The following PLEKHO2 variants were observed in gnomAD, a reference collection of about 807,000 sequenced individuals.
PLEKHO2 encodes the protein pleckstrin homology domain containing O2.
PLEKHO2 carries 20 observed loss-of-function variants against 32.7 expected under a neutral mutation model. The ratio of observed to expected loss-of-function variants is 0.61; its 90% CI spans 0.43 to 0.89. The LOEUF (loss-of-function observed/expected upper bound fraction) is 0.89, where lower values mean the gene tolerates loss of function less well. Ranked by LOEUF, PLEKHO2 falls within the 40% of genes least tolerant of loss-of-function variation. PLEKHO2 has a pLI of 0.00. For missense variants in PLEKHO2, 568 were observed against 621.2 expected (o/e 0.91, Z 0.91); for synonymous variants, 247 against 246.3 (o/e 1.00, Z -0.03).
intron 2 of PLEKHO2, 26 bp from the exon 3 acceptor site, chr15:64,854,895 C>T (rs2084595443): frequency 7.0e-6 from 11 of 1,579,806 alleles, no homozygotes; most frequent in South Asian, 6.7e-5. Flanking sequence ...GTCACCAGCT[C>T]ATGTCCCTTC....
At chr15:64,843,582 CTT>C (rs778238354) in intron 1 of PLEKHO2, among the ~76,000 whole-genome samples, 9 of 141,354 alleles carry the variant, frequency 6.4e-5, no homozygotes, top group Admixed American at 7.1e-5. Context: ...ACTTTCTTTT[CTT>C]TTTTTTTTTT....
chr15:64,856,346 T>A (rs1401438533), intron 3 of PLEKHO2, among the ~76,000 whole-genome samples: 1 of 152,102 alleles, frequency 6.6e-6, no homozygotes. Flanking sequence ...TATCTTTTTT[T>A]AATGCAGGTG....
In PLEKHO2 at chr15:64,854,997, G is replaced by A. The variant is rs201207155; in HGVS notation, c.239G>A (p.Arg80Gln). 15 of 1,601,910 alleles carry A rather than the reference G, an allele frequency of 9.4e-6. No individual in the cohort carries two copies. The highest frequency in any genetic ancestry group is 6.9e-5 in the Admixed American group (4 of 57,900). The change falls in exon 3 of 6, where the codon CGA (arginine) becomes CAA (glutamine). Residue 80 changes from arginine (R) to glutamine (Q), a missense_variant. Physicochemically the swap from Arg to Gln is conservative, Grantham distance 43 (BLOSUM62 1). Coordinates refer to ENST00000323544, the MANE Select transcript of PLEKHO2 (RefSeq NM_025201.5). ...CAGGACCTTCGTGCCCTCCTCAAGCGAAAACACCGCTTTATCCTGCTGCGA... is the reference window on the plus strand; with the variant it reads ...CAGGACCTTCGTGCCCTCCTCAAGCAAAAACACCGCTTTATCCTGCTGCGA... Reference protein sequence around the residue: ...KCQDLRALLKRKHRFILLRSP... With the variant: ...KCQDLRALLKQKHRFILLRSP...
intron 2 of PLEKHO2, among the ~76,000 whole-genome samples, chr15:64,850,021 G>A (rs1374252139): frequency 2.6e-5 from 4 of 151,784 alleles, no homozygotes; most frequent in Admixed American, 6.6e-5. Flanking sequence ...TTAGCCGGGT[G>A]TAGTGGTGCA....
chr15:64,848,930 C>T (rs745839920), intron 2 of PLEKHO2, among the ~76,000 whole-genome samples, 188 bp downstream of exon 2: 5 of 152,058 alleles, frequency 3.3e-5, no homozygotes, highest in Admixed American at 6.6e-5. Flanking sequence ...CCTCCGAGGA[C>T]AAATCTAGGG....
intron 4 of PLEKHO2, 59 bp downstream of exon 4, chr15:64,860,057 C>G: frequency 6.8e-7 from 1 of 1,480,106 alleles, no homozygotes; most frequent in Non-Finnish European, 9.4e-7. Context: ...TGCGTGTGAT[C>G]TAGGAGAGGA....
chr15:64,842,923 G>A (rs1171521591), intron 1 of PLEKHO2, among the ~76,000 whole-genome samples: 1 of 152,224 alleles, frequency 6.6e-6, no homozygotes, highest in Non-Finnish European at 1.5e-5. Flanking sequence ...GGGCCTGTTG[G>A]GTCTAGAGGA....
Position 64,854,979 on chromosome 15 carries a change from T to C in PLEKHO2, c.221T>C (p.Leu74Pro). 6.2e-7 allele frequency: 1 copy of C among 1,609,870 alleles called. No homozygotes were observed. Among genetic ancestry groups the C allele is most frequent in the South Asian group, 1.1e-5 (1 of 89,838 alleles). ...ELGSYEKCQD[L>P]RALLKRKHRF... ...GGCAGCTATGAGAAGTGCCAGGACC[T>C]TCGTGCCCTCCTCAAGCGAAAACAC... Residue 74 changes from leucine (L) to proline (P), a missense_variant, in exon 3 of 6, where the codon CTT becomes CCT. Physicochemically the swap from Leu to Pro is moderately conservative, Grantham distance 98. Transcript: ENST00000323544.
At chr15:64,857,256 G>T (rs1448256544) in intron 3 of PLEKHO2, among the ~76,000 whole-genome samples, 1 of 152,202 alleles carries the variant, frequency 6.6e-6, no homozygotes, top group African/African-American at 2.4e-5. Context: ...ATGTCCCTGG[G>T]GCTTCTTGGA....
rs543499350 is a variant in PLEKHO2, at chr15:64,865,674, C to T, written c.1259C>T (p.Ser420Leu). The T allele has an allele frequency of 5.9e-5, 96 of 1,614,078 alleles. 4 individuals are homozygous for T. The South Asian group carries it at 9.6e-4, about 16-fold the overall frequency. The change falls in exon 6 of 6, where the codon TCG (serine) becomes TTG (leucine). Residue 420 changes from serine (S) to leucine (L), a missense_variant. Physicochemically the swap from Ser to Leu is moderately radical, Grantham distance 145 (BLOSUM62 -2). Transcript: ENST00000323544. ...GCCCAGCTGGAGGTGAAGGTGGCCT[C>T]GGAACAGACGGAGAAACTGTTGAAC... ...YRAQLEVKVA[S>L]EQTEKLLNKV...
intron 1 of PLEKHO2, among the ~76,000 whole-genome samples, chr15:64,847,539 T>C (rs1004571976): frequency 3.3e-5 from 5 of 152,034 alleles, no homozygotes; most frequent in Non-Finnish European, 5.9e-5. Flanking sequence ...TGAGCACCCA[T>C]TATGTGTAAA....
At position 64,860,547 on chromosome 15, in the gene PLEKHO2, A is replaced by T. The variant is rs181086576; in HGVS notation, c.384+549A>T. Among the ~76,000 whole-genome samples the T allele has an allele frequency of 2.6e-4, 40 of 152,322 alleles. No homozygotes were observed. In the East Asian group the frequency reaches 6.9e-3, roughly 26 times the overall value. ...CATGGGGCCAGGATCTCCTAGGAAG[A>T]TTTGTCTTTGACATCACGGATCTTT... On this transcript the variant is annotated intron_variant, in intron 4 of 5. Coordinates refer to ENST00000323544, the MANE Select transcript of PLEKHO2 (RefSeq NM_025201.5).
chr15:64,861,199 C>T (rs1433960673), intron 4 of PLEKHO2, among the ~76,000 whole-genome samples: 1 of 152,252 alleles, frequency 6.6e-6, no homozygotes, highest in African/African-American at 2.4e-5. Flanking sequence ...CACCTCAGGG[C>T]TGCTTATATA....
At position 64,854,850 on chromosome 15, in the gene PLEKHO2, G is replaced by A. The variant is rs2084594997; in HGVS notation, c.163-71G>A. On this transcript the variant is annotated intron_variant, in intron 2 of 5. Coordinates refer to ENST00000323544, the MANE Select transcript of PLEKHO2 (RefSeq NM_025201.5). Reference sequence around the variant, plus strand: ...CTCGCTGAGTGGGATCAGGGTCTGGGACATGAGTAGTTGAGGGTGGTGGTG... The same window carrying A: ...CTCGCTGAGTGGGATCAGGGTCTGGAACATGAGTAGTTGAGGGTGGTGGTG... 4 of 1,204,102 alleles carry A rather than the reference G, an allele frequency of 3.3e-6. No individual in the cohort carries two copies. In the Admixed American group the frequency reaches 5.1e-5, roughly 15 times the overall value. 74.6% of individuals were successfully genotyped at this position (1,204,102 alleles called of 1,614,324 possible).
intron 2 of PLEKHO2, among the ~76,000 whole-genome samples, chr15:64,849,641 C>T (rs2140339561): frequency 6.6e-6 from 1 of 151,464 alleles, no homozygotes; most frequent in South Asian, 2.1e-4. Flanking sequence ...CAGGGTTTCA[C>T]CCTGTTGGCC....
intron 2 of PLEKHO2, among the ~76,000 whole-genome samples, chr15:64,849,101 T>C (rs895320800): frequency 2.0e-5 from 3 of 150,280 alleles, no homozygotes; most frequent in Non-Finnish European, 4.4e-5. Flanking sequence ...TGTCTTAGCC[T>C]CCTGAGTAGC....
intron 2 of PLEKHO2, among the ~76,000 whole-genome samples, chr15:64,850,898 C>A (rs2084562973): frequency 6.6e-6 from 1 of 152,200 alleles, no homozygotes; most frequent in Non-Finnish European, 1.5e-5. Context: ...GCAATATATG[C>A]CTTTGACAAA....
intron 3 of PLEKHO2, among the ~76,000 whole-genome samples, chr15:64,856,338 T>C (rs2084606071): frequency 6.6e-6 from 1 of 152,090 alleles, no homozygotes; most frequent in African/African-American, 2.4e-5. Context: ...TATGTGTGTA[T>C]CTTTTTTTAA....
intron 2 of PLEKHO2, among the ~76,000 whole-genome samples, chr15:64,850,841 TGCTGTGGTTGAG>T (rs961753016): frequency 6.6e-6 from 1 of 152,246 alleles, no homozygotes; most frequent in African/African-American, 2.4e-5. Context: ...GCTATTTGTG[TGCTGTGGTTGAG>T]GCTATCGGAG....
Sources: allele counts gnomAD v4.1 joint callset (sites outside exome capture counted in the v4.1 genomes callset), GRCh38; gene constraint gnomAD v4.1.1; transcripts MANE v1.5; gene names NCBI Gene and HGNC (gene_info 2026-07-23, HGNC 2026-07-21).